The following OR51B5 variants were observed in gnomAD, a reference collection of about 807,000 sequenced individuals.
OR51B5 encodes the protein olfactory receptor 51B5.
For synonymous variants in OR51B5, 186 were observed against 144.8 expected (o/e 1.28, Z -2.04); for missense variants, 456 against 374.6 (o/e 1.22, Z -1.79).
At chr11:5,505,531 T>C (rs917835642) in intron 1 of OR51B5, 2 of 1,180,192 alleles carry the variant, frequency 1.7e-6, no homozygotes, top group Non-Finnish European at 1.1e-6. Flanking sequence ...TACCCGAGAC[T>C]GGGCAATTTA....
chr11:5,342,166 A>T (rs537693632), downstream of OR51B5, among the ~76,000 whole-genome samples: 3 of 152,326 alleles, frequency 2.0e-5, no homozygotes, highest in South Asian at 4.1e-4. Context: ...AGAGAAATTC[A>T]TAAGAGTTGG....
rs368897392 is a variant in OR51B5, at chr11:5,354,013, CG to C, written n.85-7104del. Among the ~76,000 whole-genome samples, 184 of 152,162 alleles carry C rather than the reference CG, an allele frequency of 1.2e-3. 1 individual carries two copies. Among genetic ancestry groups the C allele is most frequent in the African/African-American group, 4.2e-3 (174 of 41,472 alleles). ...TTTTGTAGCTTCTTGACTGTGTGCT[CG>C]AGGATGGTAAATATAACATAGTTCT... On this transcript the variant is annotated intron_variant and non_coding_transcript_variant, in intron 1 of 4. Transcript: ENST00000415970.
At position 5,424,854 on chromosome 11, in the gene OR51B5, C is replaced by T. The variant is rs1305278245; in HGVS notation, n.85-77944G>A. ...AAAATTAGCCGGGCGTGGTGGCGGG[C>T]GCCTATAGTCCCAGCTACTCAGGAG... On this transcript the variant is annotated intron_variant and non_coding_transcript_variant, in intron 1 of 4. Coordinates refer to the OR51B5 transcript ENST00000415970. 9.6e-5 allele frequency among the ~76,000 whole-genome samples: 10 copies of T among 104,410 alleles called. 4 individuals carry two copies. The highest frequency in any genetic ancestry group is 3.4e-4 in the African/African-American group (10 of 29,754). 68.5% of individuals were successfully genotyped at this position (104,410 alleles called of 152,430 possible). A position where few individuals can be genotyped will look rare whatever the true frequency, so the allele number is the denominator to read the frequency against.
At chr11:5,374,165 G>C (rs937524590) in intron 1 of OR51B5, among the ~76,000 whole-genome samples, 1 of 152,136 alleles carries the variant, frequency 6.6e-6, no homozygotes, top group South Asian at 2.1e-4. Context: ...AGCAGCATTC[G>C]CGGATCACGA....
intron 1 of OR51B5, chr11:5,488,652 T>C (rs145529482): frequency 7.6e-6 from 9 of 1,191,542 alleles, no homozygotes; most frequent in Non-Finnish European, 1.1e-5. Context: ...TATCTGATGT[T>C]ACAGGGCAAG....
Position 5,381,174 on chromosome 11 carries a change from T to TCACACA in OR51B5, n.85-34270_85-34265dup, listed in dbSNP as rs1554885859. On this transcript the variant is annotated intron_variant and non_coding_transcript_variant, in intron 1 of 4. Coordinates refer to the OR51B5 transcript ENST00000415970. ...CGCTCGCTGTTTCTCTCTCTCTCTC[T>TCACACA]CACACACACACAAACAATATTACAT... Among the ~76,000 whole-genome samples, 373 of 148,414 alleles carry TCACACA rather than the reference T, an allele frequency of 2.5e-3. 1 individual carries two copies. The highest frequency in any genetic ancestry group is 8.7e-3 in the African/African-American group (347 of 40,044).
intron 1 of OR51B5, among the ~76,000 whole-genome samples, chr11:5,463,943 T>C (rs7122858): frequency 0.025 from 3,796 of 152,316 alleles, 141 homozygotes; most frequent in African/African-American, 0.085. Context: ...CTGGTGGACG[T>C]GTTAATGTTC....
At chr11:5,471,878 G>A (rs749484575) in intron 1 of OR51B5, among the ~76,000 whole-genome samples, 17 of 152,042 alleles carry the variant, frequency 1.1e-4, no homozygotes, top group Non-Finnish European at 2.1e-4. Context: ...CATTGAAGGT[G>A]CTTATTCAGA....
chr11:5,355,729 C>T (rs1273617151), intron 1 of OR51B5, among the ~76,000 whole-genome samples: 3 of 149,994 alleles, frequency 2.0e-5, no homozygotes, highest in Non-Finnish European at 4.4e-5. Flanking sequence ...TCAAATAAAC[C>T]TTGGGAAATT....
intron 1 of OR51B5, among the ~76,000 whole-genome samples, chr11:5,366,951 G>A (rs1849378497): frequency 6.6e-6 from 1 of 152,126 alleles, no homozygotes; most frequent in Non-Finnish European, 1.5e-5. Context: ...CATCTCTTGA[G>A]CACATGCCTA....
chr11:5,343,665 T>C (rs565025582), upstream of OR51B5: 758 of 538,004 alleles, frequency 1.4e-3, 4 homozygotes, highest in Non-Finnish European at 2.0e-3. Context: ...AAGTGATTGT[T>C]TCTCAAAATA....
chr11:5,386,007 A>C (rs1478459972), intron 1 of OR51B5, among the ~76,000 whole-genome samples: 1 of 151,398 alleles, frequency 6.6e-6, no homozygotes, highest in Non-Finnish European at 1.5e-5. Context: ...GTGTATTTAC[A>C]CCTTAATAGT....
chr11:5,351,866 G>T, intron 1 of OR51B5: 1 of 1,613,366 alleles, frequency 6.2e-7, no homozygotes, highest in South Asian at 1.1e-5. Context: ...GCTTATGACT[G>T]TTTCATTACC....
chr11:5,451,572 C>G (rs1850849687), intron 1 of OR51B5, among the ~76,000 whole-genome samples: 1 of 152,204 alleles, frequency 6.6e-6, no homozygotes, highest in South Asian at 2.1e-4. Flanking sequence ...TTGCTGGAAA[C>G]CATAGTACCT....
At chr11:5,355,284 A>G in intron 1 of OR51B5, 1 of 166,022 alleles carries the variant, frequency 6.0e-6, no homozygotes. Context: ...GACGAATTGG[A>G]TTTTATATTA....
chr11:5,345,279 C>T (rs1337118683), upstream of OR51B5, among the ~76,000 whole-genome samples: 1 of 151,560 alleles, frequency 6.6e-6, no homozygotes. Context: ...AAGCAAGAGA[C>T]AAGAAAAGAG....
At chr11:5,400,515 G>C (rs942722443) in intron 1 of OR51B5, among the ~76,000 whole-genome samples, 4 of 151,724 alleles carry the variant, frequency 2.6e-5, no homozygotes, top group African/African-American at 9.7e-5. Context: ...TAATTCTTAG[G>C]TCTTAGCTGA....
chr11:5,426,008 C>G (rs1850444369), intron 1 of OR51B5, among the ~76,000 whole-genome samples: 1 of 152,188 alleles, frequency 6.6e-6, no homozygotes. Flanking sequence ...AATACATCCA[C>G]ACAATGCAAT....
intron 1 of OR51B5, among the ~76,000 whole-genome samples, chr11:5,495,682 C>G (rs879753746): frequency 7.1e-6 from 1 of 141,186 alleles, no homozygotes; most frequent in Admixed American, 7.1e-5. Context: ...GAACCAGGAG[C>G]TACAACACAG....
Sources: gnomAD v4.1 joint callset for allele counts (sites outside exome capture counted in the v4.1 genomes callset) on GRCh38, gnomAD v4.1.1 for gene constraint, MANE v1.5 for transcripts, NCBI Gene and HGNC (gene_info 2026-07-23, HGNC 2026-07-21) for gene names.